ABCA13: variants seen among roughly 807,000 people sequenced by gnomAD.
ABCA13 encodes ATP binding cassette subfamily A member 13.
Under a neutral mutation model 478.7 loss-of-function variants are expected in ABCA13, and 476 were observed. That is an observed-to-expected ratio of 0.99 (90% CI 0.92 to 1.07). ABCA13 has a LOEUF of 1.07. Ranked by LOEUF, ABCA13 falls within the 50% of genes least tolerant of loss-of-function variation. The probability of loss-of-function intolerance (pLI) is 0.00; values close to 1 mark genes in which losing one functional copy is unlikely to be tolerated. For missense variants in ABCA13, 6,060 were observed against 5,910.6 expected (o/e 1.03, Z -0.83); for synonymous variants, 2,252 against 2,158.9 (o/e 1.04, Z -1.20).
Position 48,269,019 on chromosome 7 carries a change from AT to A in ABCA13, c.2047del (p.Trp683GlyfsTer3). On this transcript the variant is annotated frameshift_variant, in exon 16 of 62. Coordinates refer to ENST00000435803, the MANE Select transcript of ABCA13 (RefSeq NM_152701.5). LOFTEE classifies it high-confidence loss of function. ...EESPCFEENM[D>X]WKMISDNYFQ... is the part of the protein sequence containing the mutation. ...TCTCCTTGTTTTGAAGAAAACATGG[AT>A]TGGAAAATGATCAGTGATAATTATT... 6.2e-7 allele frequency: 1 copy of A among 1,601,008 alleles called. No individual in the cohort carries two copies. Among genetic ancestry groups the A allele is most frequent in the Non-Finnish European group, 8.5e-7 (1 of 1,170,106 alleles).
intron 16 of ABCA13, among the ~76,000 whole-genome samples, chr7:48,270,328 A>T (rs1795429869): frequency 6.6e-6 from 1 of 152,214 alleles, no homozygotes; most frequent in Non-Finnish European, 1.5e-5. Context: ...ATGAACTAAG[A>T]TAGTAGTTGT....
intron 47 of ABCA13, among the ~76,000 whole-genome samples, chr7:48,486,739 T>C (rs569363056): frequency 2.6e-5 from 4 of 152,290 alleles, no homozygotes; most frequent in African/African-American, 9.6e-5. Context: ...TAATGCAGAC[T>C]GGGCTGGGCT....
At chr7:48,278,070 G>GTA (rs59259655) in intron 17 of ABCA13, 24 bp from the exon 18 acceptor site, 29,638 of 747,618 alleles carry the variant, frequency 0.04, 450 homozygotes, top group Admixed American at 0.11. Context: ...TAAATTAAAA[G>GTA]TATATATATA....
chr7:48,197,958 C>T (rs1293610942), intron 2 of ABCA13, among the ~76,000 whole-genome samples: 2 of 152,058 alleles, frequency 1.3e-5, no homozygotes, highest in Non-Finnish European at 2.9e-5. Flanking sequence ...GTTATTTCCA[C>T]TCAGTGAATG....
Position 48,273,213 on chromosome 7 carries a change from T to G in ABCA13, c.3547T>G (p.Leu1183Val), listed in dbSNP as rs1340874478. 2 of 1,613,576 alleles carry G rather than the reference T, an allele frequency of 1.2e-6. No homozygotes were observed. Among genetic ancestry groups the G allele is most frequent in the African/African-American group, 2.7e-5 (2 of 74,912 alleles). Residue 1183 changes from leucine (L) to valine (V), a missense_variant, in exon 17 of 62, where the codon TTG (leucine) becomes GTG (valine). By Grantham distance (32) the Leu-to-Val change is conservative. Transcript: ENST00000435803. ...TSLHHGFTQL[L>V]DELEDDVKVS... ...TCTTCATCATGGTTTCACTCAGCTT[T>G]TGGATGAATTGGAAGATGATGTGAA... is the stretch of plus-strand genomic sequence containing the variant.
At chr7:48,241,644 T>C (rs1055872977) in intron 10 of ABCA13, among the ~76,000 whole-genome samples, 4 of 152,204 alleles carry the variant, frequency 2.6e-5, no homozygotes, top group African/African-American at 9.7e-5. Context: ...ATTATCCTTC[T>C]GAAGTTAAGG....
intron 27 of ABCA13, among the ~76,000 whole-genome samples, chr7:48,320,098 A>T (rs1479308991): frequency 6.6e-6 from 1 of 152,228 alleles, no homozygotes; most frequent in Non-Finnish European, 1.5e-5. Flanking sequence ...GAGTGTTAAA[A>T]GGTAAACTTA....
In ABCA13 at chr7:48,506,448, G is replaced by A. The variant is rs549504063; in HGVS notation, c.13346+58G>A. On this transcript the variant is annotated intron_variant, in intron 49 of 61. Coordinates refer to ENST00000435803, the MANE Select transcript of ABCA13 (RefSeq NM_152701.5). ...CCTGACTATGGAAGAAAATCTTTGTGTTACTTAGGGATGACTTTGGTCTCT... is the reference window on the plus strand; with the variant it reads ...CCTGACTATGGAAGAAAATCTTTGTATTACTTAGGGATGACTTTGGTCTCT... The A allele has an allele frequency of 1.1e-5, 17 of 1,580,016 alleles. No individual in the cohort carries two copies. In the South Asian group the frequency reaches 1.9e-4, roughly 18 times the overall value.
At position 48,288,073 on chromosome 7, in the gene ABCA13, T is replaced by A. The variant is rs1451790208; in HGVS notation, c.8950T>A (p.Phe2984Ile). Residue 2984 changes from phenylalanine (F) to isoleucine (I), a missense_variant, in exon 20 of 62, where the codon TTC becomes ATC. Coordinates refer to ENST00000435803, the MANE Select transcript of ABCA13 (RefSeq NM_152701.5). ...AGGGGTCACTTTGGCGCAGGACCAC[T>A]TCCAGGTTTGTCGTCTTTAATATTT... is the stretch of plus-strand genomic sequence containing the variant. ...IQGVTLAQDH[F>I]QEIEKIWSSP... is the part of the protein sequence containing the mutation. 2.5e-6 allele frequency: 4 copies of A among 1,613,474 alleles called. No individual in the cohort carries two copies. The South Asian group carries it at 4.4e-5, about 18-fold the overall frequency.
chr7:48,219,625 A>G, intron 4 of ABCA13, 120 bp downstream of exon 4: 2 of 1,315,550 alleles, frequency 1.5e-6, no homozygotes, highest in Non-Finnish European at 2.1e-6. Flanking sequence ...AAACTTTCAT[A>G]GTGAGTCTTT....
intron 55 of ABCA13, among the ~76,000 whole-genome samples, chr7:48,544,178 G>T (rs1219929066): frequency 6.6e-6 from 1 of 151,352 alleles, no homozygotes; most frequent in Non-Finnish European, 1.5e-5. Flanking sequence ...ACCTATCTGA[G>T]GTCACAAGAA....
chr7:48,322,899 C>G (rs751615285), intron 27 of ABCA13, among the ~76,000 whole-genome samples: 39 of 152,174 alleles, frequency 2.6e-4, no homozygotes, highest in Non-Finnish European at 5.3e-4. Flanking sequence ...TTCTCTATCA[C>G]TATAGGTAGG....
At chr7:48,617,022 A>C (rs954267048) in intron 59 of ABCA13, among the ~76,000 whole-genome samples, 1 of 152,238 alleles carries the variant, frequency 6.6e-6, no homozygotes, top group Non-Finnish European at 1.5e-5. Flanking sequence ...TGACAGAGTC[A>C]GAAAACAATT....
intron 38 of ABCA13, among the ~76,000 whole-genome samples, chr7:48,396,069 C>T (rs986607591): frequency 6.6e-6 from 1 of 152,156 alleles, no homozygotes; most frequent in African/African-American, 2.4e-5. Context: ...GTGCTAGGCT[C>T]CCACCAGGGC....
chr7:48,361,978 T>G (rs539210502), intron 31 of ABCA13, among the ~76,000 whole-genome samples: 5 of 152,062 alleles, frequency 3.3e-5, no homozygotes, highest in African/African-American at 9.7e-5. Context: ...AATTGCCAAG[T>G]TCTGTTGCTA....
chr7:48,594,364 ATTTT>A (rs1790067929), intron 57 of ABCA13, among the ~76,000 whole-genome samples: 1 of 150,660 alleles, frequency 6.6e-6, no homozygotes. Flanking sequence ...TCTCTATTAT[ATTTT>A]TTATTTCATT....
At chr7:48,332,925 C>G (rs1805633860) in intron 27 of ABCA13, among the ~76,000 whole-genome samples, 2 of 152,136 alleles carry the variant, frequency 1.3e-5, no homozygotes, top group African/African-American at 4.8e-5. Flanking sequence ...AGATTTCTCT[C>G]AGTTTATCAT....
At chr7:48,562,382 G>A (rs1786557357) in intron 55 of ABCA13, among the ~76,000 whole-genome samples, 1 of 152,052 alleles carries the variant, frequency 6.6e-6, no homozygotes, top group East Asian at 1.9e-4. Flanking sequence ...TAGAGCTTTG[G>A]TTTTGAATAA....
At chr7:48,281,046 C>A (rs1309438447) in intron 18 of ABCA13, among the ~76,000 whole-genome samples, 2 of 152,120 alleles carry the variant, frequency 1.3e-5, no homozygotes, top group Non-Finnish European at 2.9e-5. Flanking sequence ...TGTTTTGACA[C>A]CTTTTCAACA....
Sources: gnomAD v4.1 joint callset for allele counts (sites outside exome capture counted in the v4.1 genomes callset) on GRCh38, gnomAD v4.1.1 for gene constraint, MANE v1.5 for transcripts, NCBI Gene and HGNC (gene_info 2026-07-23, HGNC 2026-07-21) for gene names.